The following ANKRD17 variants were observed in gnomAD, a reference collection of about 807,000 sequenced individuals.
ANKRD17 encodes the protein ankyrin repeat domain 17.
ANKRD17 carries 19 observed loss-of-function variants against 229.7 expected under a neutral mutation model. The ratio of observed to expected loss-of-function variants is 0.08; its 90% CI spans 0.06 to 0.12. The LOEUF (loss-of-function observed/expected upper bound fraction) is 0.12. Ranked by LOEUF, ANKRD17 falls within the 10% of genes least tolerant of loss-of-function variation. ANKRD17 has a pLI of 1.00. For missense variants in ANKRD17, 2,176 were observed against 3,176.8 expected (o/e 0.68, Z 7.57); for synonymous variants, 1,112 against 1,146.1 (o/e 0.97, Z 0.60).
At chr4:73,136,252 G>A (rs1012014193) in intron 15 of ANKRD17, among the ~76,000 whole-genome samples, 2 of 151,976 alleles carry the variant, frequency 1.3e-5, no homozygotes, top group Admixed American at 1.3e-4. Context: ...TCTTTGACTG[G>A]TCAACAGTAC....
In ANKRD17 at chr4:73,160,863, T is replaced by TA. The variant is rs1178870578; in HGVS notation, c.704+328dup. ...TACTTCTTTGTCACCAATACATTTT[T>TA]AAAAAAAATCTAAATAAGCAAAAAG... On this transcript the variant is annotated intron_variant, in intron 3 of 33. Transcript: ENST00000358602. Among the ~76,000 whole-genome samples, 6 of 152,246 alleles carry TA rather than the reference T, an allele frequency of 3.9e-5. 1 individual carries two copies. The highest frequency in any genetic ancestry group is 3.3e-4 in the Admixed American group (5 of 15,290).
At chr4:73,125,142 T>C (rs1727265158) in intron 17 of ANKRD17, 59 bp downstream of exon 17, 1 of 1,591,168 alleles carries the variant, frequency 6.3e-7, no homozygotes, top group Admixed American at 1.8e-5. Flanking sequence ...TAAAAAATAA[T>C]GTTCCTAAAT....
chr4:73,080,235 T>G (rs1456630617), intron 30 of ANKRD17, among the ~76,000 whole-genome samples: 1 of 152,104 alleles, frequency 6.6e-6, no homozygotes, highest in Non-Finnish European at 1.5e-5. Flanking sequence ...TGCAGTTGAA[T>G]TCCAAATAAG....
intron 16 of ANKRD17, among the ~76,000 whole-genome samples, chr4:73,128,422 C>T (rs1727759581): frequency 6.6e-6 from 1 of 152,030 alleles, no homozygotes; most frequent in Non-Finnish European, 1.5e-5. Context: ...TAAAATTCTT[C>T]CAGGGTTTAA....
chr4:73,181,497 T>A (rs773512222), intron 1 of ANKRD17, among the ~76,000 whole-genome samples: 1 of 152,106 alleles, frequency 6.6e-6, no homozygotes, highest in African/African-American at 2.4e-5. Context: ...ACAAAACAAG[T>A]GAAGAGAGAC....
chr4:73,114,947 C>T (rs1328415104), intron 23 of ANKRD17, among the ~76,000 whole-genome samples: 1 of 152,152 alleles, frequency 6.6e-6, no homozygotes, highest in Non-Finnish European at 1.5e-5. Context: ...AGGAGAAGGT[C>T]TCAATTAGGA....
intron 15 of ANKRD17, among the ~76,000 whole-genome samples, chr4:73,138,409 A>G (rs1186395218): frequency 6.6e-6 from 1 of 152,158 alleles, no homozygotes; most frequent in Non-Finnish European, 1.5e-5. Flanking sequence ...GATATTTTTA[A>G]GTATAAAATC....
chr4:73,229,350 T>C (rs1470558754), intron 1 of ANKRD17, among the ~76,000 whole-genome samples: 1 of 152,160 alleles, frequency 6.6e-6, no homozygotes, highest in East Asian at 1.9e-4. Flanking sequence ...TAATTTATAC[T>C]GACAGTGAGT....
intron 18 of ANKRD17, among the ~76,000 whole-genome samples, chr4:73,123,192 C>G (rs991831785): frequency 6.6e-6 from 1 of 151,780 alleles, no homozygotes; most frequent in Admixed American, 6.6e-5. Context: ...CTTCTTGACT[C>G]AATATTGAAA....
intron 1 of ANKRD17, among the ~76,000 whole-genome samples, chr4:73,246,611 G>GT (rs1411358380): frequency 6.6e-6 from 1 of 152,146 alleles, no homozygotes; most frequent in African/African-American, 2.4e-5. Flanking sequence ...ATATAGATAT[G>GT]TAACGACACA....
intron 2 of ANKRD17, among the ~76,000 whole-genome samples, chr4:73,163,846 T>C (rs1049497093): frequency 6.6e-6 from 1 of 152,340 alleles, no homozygotes; most frequent in Non-Finnish European, 1.5e-5. Flanking sequence ...AGATATATTT[T>C]TATGCTTTTC....
Position 73,106,100 on chromosome 4 carries a change from AGT to A in ANKRD17, c.4402-3555_4402-3554del, listed in dbSNP as rs972240639. ...TTGGAGAACTGCTGTCATGTTTGTT[AGT>A]GTGTGTGGGGGAGGTTAGAGGCTCT... On this transcript the variant is annotated intron_variant, in intron 24 of 33. Coordinates refer to ENST00000358602, the MANE Select transcript of ANKRD17 (RefSeq NM_032217.5). Among the ~76,000 whole-genome samples the A allele has an allele frequency of 2.0e-5, 3 of 152,072 alleles. No individual in the cohort carries two copies. In the East Asian group the frequency reaches 5.8e-4, roughly 29 times the overall value.
At chr4:73,153,821 A>G in intron 6 of ANKRD17, 59 bp downstream of exon 6, 1 of 1,165,842 alleles carries the variant, frequency 8.6e-7, no homozygotes, top group African/African-American at 1.6e-5. Context: ...AAGATTACAT[A>G]AAATAATTAT....
chr4:73,138,008 A>G (rs1729131666), intron 15 of ANKRD17, among the ~76,000 whole-genome samples: 1 of 152,176 alleles, frequency 6.6e-6, no homozygotes, highest in African/African-American at 2.4e-5. Flanking sequence ...ATTACTGTGT[A>G]ATACCTATTC....
At chr4:73,222,454 T>C (rs1560752732) in intron 1 of ANKRD17, among the ~76,000 whole-genome samples, 1 of 152,212 alleles carries the variant, frequency 6.6e-6, no homozygotes, top group Non-Finnish European at 1.5e-5. Context: ...ATTTGTTTTA[T>C]AATAATCAAA....
At chr4:73,090,277 G>A (rs1722661930) in intron 29 of ANKRD17, among the ~76,000 whole-genome samples, 1 of 152,082 alleles carries the variant, frequency 6.6e-6, no homozygotes, top group Non-Finnish European at 1.5e-5. Flanking sequence ...AGGCATGGTG[G>A]TGCACGTCTG....
chr4:73,118,777 C>G lies in ANKRD17; in HGVS notation c.4099G>C (p.Asp1367His). 6.2e-7 allele frequency: 1 copy of G among 1,613,940 alleles called. No homozygotes were observed. The highest frequency in any genetic ancestry group is 8.5e-7 in the Non-Finnish European group (1 of 1,179,966). Reference sequence around the variant, plus strand: ...GCTTGCACCAGTAACTGAACCACATCGAGGTGTCCACCATTTGCTGCTAGC... The same window carrying G: ...GCTTGCACCAGTAACTGAACCACATGGAGGTGTCCACCATTTGCTGCTAGC... ...LWLAANGGHL[D>H]VVQLLVQAGA... Residue 1367 changes from aspartate to histidine, a missense_variant, in exon 22 of 34, where the codon GAT (aspartate) becomes CAT (histidine). This residue lies in a region of ANKRD17 where 178 missense variants were observed against 421.7 expected (regional missense o/e 0.42). Transcript: ENST00000358602.
intron 23 of ANKRD17, 60 bp from the exon 24 acceptor site, chr4:73,113,968 C>A: frequency 1.6e-6 from 2 of 1,212,502 alleles, no homozygotes; most frequent in Non-Finnish European, 2.4e-6. Context: ...TAGAGAAATT[C>A]CTAAAAACAC....
rs556615148 is a variant in ANKRD17 at position 73,227,006 on chromosome 4, T to C, written c.393+31270A>G. Among the ~76,000 whole-genome samples, 4 of 152,362 alleles carry C rather than the reference T, an allele frequency of 2.6e-5. No homozygotes were observed. In the South Asian group the frequency reaches 8.3e-4, roughly 32 times the overall value. On this transcript the variant is annotated intron_variant, in intron 1 of 33. Transcript: ENST00000358602. ...AGTTATTTGTTACATAGCAAAATAATGTATCCCCTTTAATTCTGTTTTCCA... is the reference window on the plus strand; with the variant it reads ...AGTTATTTGTTACATAGCAAAATAACGTATCCCCTTTAATTCTGTTTTCCA...
Sources: gnomAD v4.1 joint callset for allele counts (sites outside exome capture counted in the v4.1 genomes callset) on GRCh38, gnomAD v4.1.1 for gene constraint, gnomAD v4.1.1 regional missense constraint, MANE v1.5 for transcripts, NCBI Gene and HGNC (gene_info 2026-07-23, HGNC 2026-07-21) for gene names.